Variants in MAST3 observed in about 807,000 individuals in gnomAD.
MAST3 encodes the protein microtubule-associated serine/threonine-protein kinase 3.
A neutral mutation model predicts 127.0 loss-of-function variants in MAST3; 43 were observed. The observed-to-expected ratio is 0.34, with a 90% CI of 0.27 to 0.44. MAST3 has a LOEUF of 0.44. Among genes scored for constraint, MAST3 ranks in the 20% least tolerant of loss-of-function variants. The pLI is 1.00. For synonymous variants in MAST3, 785 were observed against 809.2 expected (o/e 0.97, Z 0.51); for missense variants, 1,390 against 1,919.1 (o/e 0.72, Z 5.15).
At chr19:18,108,651 A>G (rs1205686666) in intron 2 of MAST3, among the ~76,000 whole-genome samples, 1 of 152,192 alleles carries the variant, frequency 6.6e-6, no homozygotes, top group Non-Finnish European at 1.5e-5. Flanking sequence ...TACAGGCATG[A>G]GCCACCATGC....
At chr19:18,143,063 G>A (rs558514059) in intron 21 of MAST3, among the ~76,000 whole-genome samples, 1 of 150,192 alleles carries the variant, frequency 6.7e-6, no homozygotes, top group Non-Finnish European at 1.5e-5. Flanking sequence ...AGTGAGCCAA[G>A]ATCGTGCCAC....
rs757888291 is a variant in MAST3, at chr19:18,128,333, G to A, written c.1079-67G>A. The A allele has an allele frequency of 1.1e-4, 157 of 1,371,490 alleles. 1 individual carries two copies. Among genetic ancestry groups the A allele is most frequent in the Admixed American group, 4.8e-4 (24 of 49,686 alleles). The allele number at this position is 1,371,490 out of a possible 1,614,324, so 85.0% of individuals were successfully genotyped here. On this transcript the variant is annotated intron_variant, in intron 11 of 27. Transcript: ENST00000687212. ...TGGGGTGAGAACTCTAGAGGCCTCA[G>A]GAAATTGCTGGGTGATGCAGGGTGA...
At chr19:18,124,218 G>C (rs2040328963) in intron 9 of MAST3, 47 bp from the exon 10 acceptor site, 1 of 1,589,722 alleles carries the variant, frequency 6.3e-7, no homozygotes, top group African/African-American at 1.3e-5. Context: ...CCCCAGGCCA[G>C]ACGGTGCTGA....
intron 1 of MAST3, among the ~76,000 whole-genome samples, chr19:18,104,609 A>G (rs2037923152): frequency 6.6e-6 from 1 of 151,756 alleles, no homozygotes; most frequent in African/African-American, 2.4e-5. Flanking sequence ...CCTGGAGCCC[A>G]CCAAAGTAAA....
rs1316612442 is a variant in MAST3, at chr19:18,141,932, T to C, written c.2256T>C (p.Ala752=). ...FLAVQPTPTF[A]ERSFSEDREE... ...CCGTCCAGCCCACTCCTACCTTCGC[T>C]GAAAGGAGCTTCAGTGAAGACCGGG... is the stretch of plus-strand genomic sequence containing the variant. The change falls in exon 21 of 28, where the codon GCT becomes GCC. Residue 752 remains alanine, a synonymous_variant. Coordinates refer to ENST00000687212, the MANE Select transcript of MAST3 (RefSeq NM_001393504.1). 1.3e-6 allele frequency: 2 copies of C among 1,556,736 alleles called. No individual in the cohort carries two copies. The highest frequency in any genetic ancestry group is 1.7e-6 in the Non-Finnish European group (2 of 1,149,408).
intron 21 of MAST3, among the ~76,000 whole-genome samples, chr19:18,142,426 A>G (rs1370014697): frequency 1.4e-5 from 2 of 138,352 alleles, no homozygotes; most frequent in East Asian, 2.1e-4. Flanking sequence ...ATCTCGGCTC[A>G]CTGCAAGCTC....
At chr19:18,118,261 G>C in intron 3 of MAST3, 1 of 985,380 alleles carries the variant, frequency 1.0e-6, no homozygotes, top group Non-Finnish European at 1.2e-6. Flanking sequence ...AGAGGTAGGG[G>C]GCACGGCGCC....
intron 3 of MAST3, among the ~76,000 whole-genome samples, chr19:18,111,547 T>TA (rs2038636581): frequency 6.9e-6 from 1 of 145,630 alleles, no homozygotes. Context: ...TTTTTTTTTT[T>TA]TTTTTGAGGC....
intron 3 of MAST3, among the ~76,000 whole-genome samples, chr19:18,120,373 C>A (rs1474208286): frequency 6.6e-6 from 1 of 152,100 alleles, no homozygotes; most frequent in African/African-American, 2.4e-5. Flanking sequence ...GCTGGTGCTG[C>A]TGGCAGTAGC....
chr19:18,143,759 G>A lies in MAST3; in HGVS notation c.2340-4G>A, dbSNP rs374902448. 6 of 1,613,308 alleles carry A rather than the reference G, an allele frequency of 3.7e-6. No homozygotes were observed. In the African/African-American group the frequency reaches 8.0e-5, roughly 21 times the overall value. On this transcript the variant is annotated splice_polypyrimidine_tract_variant and splice_region_variant and intron_variant, in intron 21 of 27. Coordinates refer to ENST00000687212, the MANE Select transcript of MAST3 (RefSeq NM_001393504.1). ...GGGGTGATGCAGGCTCTTCCTCCCT[G>A]CAGGCTGAGGTCCTGGACATCCTCT...
In MAST3 at chr19:18,145,365, C is replaced by T. The variant is rs2042919076; in HGVS notation, c.3039+136C>T. On this transcript the variant is annotated intron_variant, in intron 24 of 27. Coordinates refer to ENST00000687212, the MANE Select transcript of MAST3 (RefSeq NM_001393504.1). This position sits in a 1 kb window ranked among gnomAD's most constrained non-coding sequence, Gnocchi z 5.9. The stretch of plus-strand genomic sequence containing the variant: ...TGGTGCCACCGAGTTCATCTCGGTC[C>T]CTGTCATTTGGCAGGGAGGAGGTCA... 8 of 812,182 alleles carry T rather than the reference C, an allele frequency of 9.9e-6. No homozygotes were observed. The South Asian group carries it at 1.2e-4, about 13-fold the overall frequency. 50.3% of individuals were successfully genotyped at this position (812,182 alleles called of 1,614,324 possible).
chr19:18,117,881 C>T (rs1306653524), intron 3 of MAST3, among the ~76,000 whole-genome samples: 1 of 151,502 alleles, frequency 6.6e-6, no homozygotes, highest in East Asian at 1.9e-4. Flanking sequence ...GCGGCCATGG[C>T]AGCGCCCCGC....
chr19:18,149,385 C>T lies in MAST3; in HGVS notation c.3703C>T (p.Pro1235Ser). Residue 1235 changes from proline (P) to serine (S), a missense_variant, in exon 28 of 28, where the codon CCC (proline) becomes TCC (serine). By Grantham distance (74) the Pro-to-Ser change is moderately conservative. Around this residue, in one of 5 missense-constraint regions of MAST3, gnomAD observed 816 missense variants for 934.1 expected, o/e 0.87. Transcript: ENST00000687212. The surrounding 1 kb of genome is among the most constrained non-coding windows in gnomAD (Gnocchi z 5.9). Reference protein sequence around the residue: ...SPLACPPISAPPPRSPSPLPG... With the variant: ...SPLACPPISASPPRSPSPLPG... ...GCTGGCCTGCCCGCCCATCTCCGCG[C>T]CCCCACCCCGCTCGCCCTCGCCCCT... The T allele has an allele frequency of 6.8e-7, 1 of 1,476,076 alleles. No individual in the cohort carries two copies. Among genetic ancestry groups the T allele is most frequent in the Non-Finnish European group, 8.9e-7 (1 of 1,118,762 alleles). The allele number at this position is 1,476,076 out of a possible 1,614,324, so 91.4% of individuals were successfully genotyped here.
At chr19:18,141,223 G>A (rs916467071) in intron 20 of MAST3, among the ~76,000 whole-genome samples, 10 of 152,058 alleles carry the variant, frequency 6.6e-5, no homozygotes, top group Non-Finnish European at 1.5e-4. Context: ...CAGCAAAAAC[G>A]CAGCTTGGTA....
intron 20 of MAST3, 35 bp from the exon 21 acceptor site, chr19:18,141,847 C>G (rs2042529244): frequency 7.3e-7 from 1 of 1,365,118 alleles, no homozygotes; most frequent in South Asian, 1.9e-5. Flanking sequence ...TGAGCCACCG[C>G]ACCCGGCTTA....
intron 3 of MAST3, among the ~76,000 whole-genome samples, chr19:18,117,865 C>T (rs1369393013): frequency 6.6e-6 from 1 of 151,550 alleles, no homozygotes; most frequent in African/African-American, 2.4e-5. Context: ...CTCCGCCTCT[C>T]CGCCCGCGGC....
At chr19:18,123,785 G>T in intron 8 of MAST3, 130 bp downstream of exon 8, 2 of 1,069,038 alleles carry the variant, frequency 1.9e-6, no homozygotes, top group African/African-American at 1.6e-5. Context: ...TTCCCCTTCC[G>T]TTGAAAGATG....
At position 18,124,306 on chromosome 19, in the gene MAST3, C is replaced by T. The variant is rs539638448; in HGVS notation, c.885C>T (p.Val295=). The T allele has an allele frequency of 1.6e-5, 25 of 1,609,852 alleles. No individual in the cohort carries two copies. Among genetic ancestry groups the T allele is most frequent in the Non-Finnish European group, 1.9e-5 (22 of 1,178,040 alleles). ...ACAGTGAGGAGGTCAGCTTCATCGT[C>T]CAGCTTGTCCGGAAACTGCTGATCA... ...RSDSEEVSFI[V]QLVRKLLIII... The change falls in exon 10 of 28, where the codon GTC becomes GTT. Residue 295 remains valine, a synonymous_variant. Coordinates refer to ENST00000687212, the MANE Select transcript of MAST3 (RefSeq NM_001393504.1).
At chr19:18,104,295 AC>A (rs1185839779) in intron 1 of MAST3, among the ~76,000 whole-genome samples, 1 of 150,066 alleles carries the variant, frequency 6.7e-6, no homozygotes, top group African/African-American at 2.5e-5. Flanking sequence ...CATCACCATG[AC>A]TGCTTGAACT....
Sources: allele counts gnomAD v4.1 joint callset (sites outside exome capture counted in the v4.1 genomes callset), GRCh38; gene constraint gnomAD v4.1.1; regional missense constraint gnomAD v4.1.1; non-coding constraint Gnocchi (gnomAD v3.1); transcripts MANE v1.5; gene names NCBI Gene and HGNC (gene_info 2026-07-23, HGNC 2026-07-21).